Variants in APBA2 observed in about 807,000 individuals in gnomAD.
APBA2 encodes the protein amyloid-beta A4 precursor protein-binding family A member 2.
A neutral mutation model predicts 75.0 loss-of-function variants in APBA2; 30 were observed. That is an observed-to-expected ratio of 0.40 (90% CI 0.30 to 0.54). The LOEUF is 0.54. Among genes scored for constraint, APBA2 ranks in the 20% least tolerant of loss-of-function variants. The pLI is 0.49. For synonymous variants in APBA2, 444 were observed against 409.6 expected (o/e 1.08, Z -1.01); for missense variants, 801 against 1,016.1 (o/e 0.79, Z 2.88).
chr15:29,054,604 C>G lies in APBA2; in HGVS notation c.720C>G (p.Thr240=). Reference sequence around the variant, plus strand: ...AGATCAAGATGAGTCTGAGCATGACCAGCATCACCAGCGCCAGTGAGGCCA... The same window carrying G: ...AGATCAAGATGAGTCTGAGCATGACGAGCATCACCAGCGCCAGTGAGGCCA... ...VAEIKMSLSM[T]SITSASEASP... Residue 240 remains threonine (T), a synonymous_variant, in exon 4 of 15, where the codon ACC becomes ACG. Coordinates refer to ENST00000683413, the MANE Select transcript of APBA2 (RefSeq NM_001353788.2). The surrounding 1 kb of genome is among the most constrained non-coding windows in gnomAD (Gnocchi z 6.1). The G allele has an allele frequency of 6.2e-7, 1 of 1,614,132 alleles. No individual in the cohort carries two copies. The highest frequency in any genetic ancestry group is 1.3e-5 in the African/African-American group (1 of 75,060).
At chr15:29,015,386 T>C (rs2039607666) in intron 3 of APBA2, among the ~76,000 whole-genome samples, 1 of 152,178 alleles carries the variant, frequency 6.6e-6, no homozygotes. Flanking sequence ...AAAAAAAATG[T>C]GCCCAGCTCT....
intron 6 of APBA2, among the ~76,000 whole-genome samples, chr15:29,078,280 G>A (rs199877533): frequency 2.7e-5 from 4 of 150,790 alleles, no homozygotes; most frequent in Admixed American, 6.6e-5. Flanking sequence ...GCAACAGAGC[G>A]AAACTCCGTA....
At chr15:28,892,462 G>A (rs2032199394) in intron 1 of APBA2, among the ~76,000 whole-genome samples, 1 of 152,182 alleles carries the variant, frequency 6.6e-6, no homozygotes, top group African/African-American at 2.4e-5. Flanking sequence ...AGTATTCAGC[G>A]TGGTAACATG....
At chr15:29,038,622 G>A (rs1428548906) in intron 3 of APBA2, among the ~76,000 whole-genome samples, 1 of 151,320 alleles carries the variant, frequency 6.6e-6, no homozygotes, top group East Asian at 1.9e-4. Context: ...GCCCTGGAGG[G>A]ACACACACCC....
intron 1 of APBA2, among the ~76,000 whole-genome samples, chr15:28,899,105 G>A (rs961862887): frequency 6.6e-6 from 1 of 152,246 alleles, no homozygotes; most frequent in Non-Finnish European, 1.5e-5. Context: ...AGAGCAGTCG[G>A]GGGGAGATGT....
intron 1 of APBA2, among the ~76,000 whole-genome samples, chr15:28,911,070 T>A (rs887218281): frequency 3.9e-5 from 6 of 152,148 alleles, no homozygotes; most frequent in Admixed American, 2.6e-4. Context: ...AATAATGGAT[T>A]TTGTTAGAAA....
At chr15:28,965,657 T>G (rs2036701392) in intron 2 of APBA2, among the ~76,000 whole-genome samples, 1 of 152,220 alleles carries the variant, frequency 6.6e-6, no homozygotes, top group Non-Finnish European at 1.5e-5. Context: ...TTTTGTAATT[T>G]TTATTTTATA....
intron 2 of APBA2, among the ~76,000 whole-genome samples, chr15:28,984,923 CT>C (rs1181778782): frequency 1.1e-4 from 17 of 151,664 alleles, no homozygotes; most frequent in African/African-American, 3.9e-4. Flanking sequence ...CTCTCTCTCT[CT>C]CTCTCTCTCT....
chr15:29,049,769 A>G (rs2041509216), intron 3 of APBA2, among the ~76,000 whole-genome samples: 2 of 152,216 alleles, frequency 1.3e-5, no homozygotes, highest in South Asian at 4.1e-4. Flanking sequence ...GACAGGTCAC[A>G]TGCTATATCT....
At chr15:28,924,204 T>C (rs1405867129) in intron 2 of APBA2, among the ~76,000 whole-genome samples, 1 of 152,100 alleles carries the variant, frequency 6.6e-6, no homozygotes, top group African/African-American at 2.4e-5. Flanking sequence ...AGGAGGAAAA[T>C]GCCCAGTTTC....
chr15:28,941,502 C>CAAAAAA (rs72376564), intron 2 of APBA2, among the ~76,000 whole-genome samples: 2 of 59,826 alleles, frequency 3.3e-5, no homozygotes, highest in African/African-American at 1.2e-4. Flanking sequence ...ACTTGGGAGG[C>CAAAAAA]AAAAAAAAAA....
chr15:29,006,149 T>G lies in APBA2; in HGVS notation c.-41+10343T>G, dbSNP rs1232998095. On this transcript the variant is annotated intron_variant, in intron 3 of 14. Coordinates refer to ENST00000683413, the MANE Select transcript of APBA2 (RefSeq NM_001353788.2). Reference sequence around the variant, plus strand: ...GGAAAGGAAGAGGTGAAATTTTCTCTCTTTTCACATGTCATGGTCTTATGC... The same window carrying G: ...GGAAAGGAAGAGGTGAAATTTTCTCGCTTTTCACATGTCATGGTCTTATGC... Among the ~76,000 whole-genome samples, 6 of 152,222 alleles carry G rather than the reference T, an allele frequency of 3.9e-5. No individual in the cohort carries two copies. The East Asian group carries it at 1.2e-3, about 29-fold the overall frequency.
intron 1 of APBA2, among the ~76,000 whole-genome samples, chr15:28,892,851 G>C (rs2032227754): frequency 6.6e-6 from 1 of 152,184 alleles, no homozygotes; most frequent in Non-Finnish European, 1.5e-5. Flanking sequence ...ATTGTCAACT[G>C]TCTTGGAAAA....
chr15:29,093,963 C>T (rs8028989), intron 7 of APBA2, among the ~76,000 whole-genome samples: 5,450 of 152,318 alleles, frequency 0.036, 306 homozygotes, highest in African/African-American at 0.12. Context: ...AGAGGCCCGG[C>T]CCTCCCATCC....
chr15:28,942,846 T>C (rs994515106), intron 2 of APBA2, among the ~76,000 whole-genome samples: 1 of 152,172 alleles, frequency 6.6e-6, no homozygotes, highest in Admixed American at 6.5e-5. Flanking sequence ...GGCGTGGGGC[T>C]TCTCCCCGGG....
At chr15:28,933,648 G>A (rs1409186566) in intron 2 of APBA2, among the ~76,000 whole-genome samples, 2 of 152,246 alleles carry the variant, frequency 1.3e-5, no homozygotes, top group Non-Finnish European at 2.9e-5. Flanking sequence ...TTATCATTGA[G>A]TTAGGAGCGA....
chr15:29,042,148 A>G (rs2152864647), intron 3 of APBA2, among the ~76,000 whole-genome samples: 1 of 152,240 alleles, frequency 6.6e-6, no homozygotes, highest in East Asian at 1.9e-4. Context: ...CCCTGCCTTC[A>G]TCCTGTTTGT....
intron 1 of APBA2, among the ~76,000 whole-genome samples, chr15:28,903,579 G>C (rs946247827): frequency 6.6e-6 from 1 of 152,226 alleles, no homozygotes; most frequent in African/African-American, 2.4e-5. Context: ...GGAGGGCAGA[G>C]CTGCAGTCCT....
intron 3 of APBA2, among the ~76,000 whole-genome samples, chr15:29,022,604 T>A (rs574135715): frequency 1.5e-4 from 23 of 152,156 alleles, no homozygotes; most frequent in Non-Finnish European, 2.1e-4. Flanking sequence ...ATATGGTAAA[T>A]CATTATAGAT....
Sources: allele counts gnomAD v4.1 joint callset (sites outside exome capture counted in the v4.1 genomes callset), GRCh38; gene constraint gnomAD v4.1.1; non-coding constraint Gnocchi (gnomAD v3.1); transcripts MANE v1.5; gene names NCBI Gene and HGNC (gene_info 2026-07-23, HGNC 2026-07-21).